Variants in PTPRN2 observed in about 807,000 individuals in gnomAD.
PTPRN2 encodes receptor-type tyrosine-protein phosphatase N2.
In PTPRN2, 74 loss-of-function variants were observed where a neutral mutation model predicts 118.8. The observed-to-expected ratio is 0.62, with a 90% confidence interval of 0.52 to 0.76. The LOEUF (loss-of-function observed/expected upper bound fraction) is 0.76. Among genes scored for constraint, PTPRN2 ranks in the 30% least tolerant of loss-of-function variants. PTPRN2 has a pLI of 0.00. For synonymous variants in PTPRN2, 641 were observed against 608.0 expected (o/e 1.05, Z -0.80); for missense variants, 1,481 against 1,394.4 (o/e 1.06, Z -0.99).
chr7:157,563,653 G>A (rs1799331116), intron 21 of PTPRN2, among the ~76,000 whole-genome samples: 1 of 141,052 alleles, frequency 7.1e-6, no homozygotes, highest in Non-Finnish European at 1.5e-5. Flanking sequence ...CCACAGATCA[G>A]GACCACGTGC....
intron 15 of PTPRN2, among the ~76,000 whole-genome samples, chr7:157,606,583 T>C (rs576298157): frequency 6.6e-6 from 1 of 152,242 alleles, no homozygotes; most frequent in African/African-American, 2.4e-5. Flanking sequence ...GCACCCTCGC[T>C]GGAGCCCTCG....
Position 158,529,620 on chromosome 7 carries a change from A to G in PTPRN2, c.113-39835T>C, listed in dbSNP as rs1437359957. The stretch of plus-strand genomic sequence containing the variant: ...GGCAACTGTGTGAGTCTGGGCTCCA[A>G]TCAGCAGCGAAGATGCAGTGTGGGA... On this transcript the variant is annotated intron_variant, in intron 1 of 22. Transcript: ENST00000389418. This position sits in a 1 kb window ranked among gnomAD's most constrained non-coding sequence, Gnocchi z 4.7. Among the ~76,000 whole-genome samples the G allele has an allele frequency of 6.6e-6, 1 of 152,232 alleles. No homozygotes were observed. Among genetic ancestry groups the G allele is most frequent in the Non-Finnish European group, 1.5e-5 (1 of 68,034 alleles).
intron 12 of PTPRN2, among the ~76,000 whole-genome samples, chr7:157,774,528 C>A (rs545941160): frequency 4.6e-5 from 7 of 152,254 alleles, no homozygotes; most frequent in Non-Finnish European, 1.0e-4. Context: ...GTAAGCCCCC[C>A]ATCTCTGCAC....
rs201798881 is a variant in PTPRN2, at chr7:158,155,553, CCAT to C, written c.910+11375_910+11377del. 1.4e-4 allele frequency among the ~76,000 whole-genome samples: 8 copies of C among 56,474 alleles called. No homozygotes were observed. The East Asian group carries it at 1.6e-3, about 11-fold the overall frequency. 37.0% of individuals were successfully genotyped at this position (56,474 alleles called of 152,430 possible). ...ATCAGCACTATCATCACCATCAACA[CCAT>C]CATCATCATTGCCATCATCACCATC... On this transcript the variant is annotated intron_variant, in intron 6 of 22. Coordinates refer to ENST00000389418, the MANE Select transcript of PTPRN2 (RefSeq NM_002847.5).
chr7:158,235,310 A>T (rs1829460554), intron 3 of PTPRN2, among the ~76,000 whole-genome samples: 1 of 152,238 alleles, frequency 6.6e-6, no homozygotes, highest in Non-Finnish European at 1.5e-5. Flanking sequence ...TTATTGCAGG[A>T]CTAGTCACAA....
At chr7:157,735,889 G>A (rs559862682) in intron 12 of PTPRN2, among the ~76,000 whole-genome samples, 5 of 152,292 alleles carry the variant, frequency 3.3e-5, no homozygotes, top group Non-Finnish European at 2.9e-5. Context: ...GATAGCGATC[G>A]GCACATGCCT....
intron 11 of PTPRN2, among the ~76,000 whole-genome samples, chr7:158,047,733 T>C (rs1454848042): frequency 6.6e-6 from 1 of 152,200 alleles, no homozygotes; most frequent in Non-Finnish European, 1.5e-5. Flanking sequence ...TGGGCACAGC[T>C]GGTGCACTAG....
intron 1 of PTPRN2, among the ~76,000 whole-genome samples, chr7:158,523,493 CGTCTGCCCTGG>C (rs1563392640): frequency 2.6e-4 from 22 of 84,512 alleles, no homozygotes; most frequent in African/African-American, 9.6e-4. Flanking sequence ...GGAGTGGAGT[CGTCTGCCCTGG>C]AGTGGAGTCG....
intron 22 of PTPRN2, among the ~76,000 whole-genome samples, chr7:157,547,814 G>A (rs1164876758): frequency 1.3e-5 from 2 of 152,216 alleles, no homozygotes; most frequent in African/African-American, 2.4e-5. Flanking sequence ...GACAAGAGAC[G>A]TTCCACAAAG....
At chr7:158,398,050 C>G (rs908094712) in intron 2 of PTPRN2, among the ~76,000 whole-genome samples, 1 of 152,154 alleles carries the variant, frequency 6.6e-6, no homozygotes, top group Non-Finnish European at 1.5e-5. Context: ...TTTGCAGACT[C>G]GAAGATTCTG....
Position 157,974,114 on chromosome 7 carries a change from T to C in PTPRN2, c.1724-75377A>G, listed in dbSNP as rs2043494. Reference sequence around the variant, plus strand: ...CTGCCTGACTTGCACTGCTGGACGGTGGGTTGGCGGTGTTGACGCTGCACA... The same window carrying C: ...CTGCCTGACTTGCACTGCTGGACGGCGGGTTGGCGGTGTTGACGCTGCACA... On this transcript the variant is annotated intron_variant, in intron 11 of 22. Transcript: ENST00000389418. The surrounding 1 kb of genome is among the most constrained non-coding windows in gnomAD (Gnocchi z 4.0). Among the ~76,000 whole-genome samples, 104,222 of 152,112 alleles carry C rather than the reference T, an allele frequency of 0.69. 35,764 individuals are homozygous for C. The highest frequency in any genetic ancestry group is 0.74 in the East Asian group (3,845 of 5,170).
intron 3 of PTPRN2, among the ~76,000 whole-genome samples, chr7:158,299,443 G>T (rs1206578841): frequency 2.0e-5 from 3 of 151,998 alleles, no homozygotes; most frequent in African/African-American, 4.8e-5. Context: ...GACTACAGGT[G>T]CATGCCACCA....
In PTPRN2 at chr7:157,746,064, ACTCCCTACACCCCACAGTC is replaced by A. The variant is rs1400886580; in HGVS notation, c.1789-63146_1789-63128del. The stretch of plus-strand genomic sequence containing the variant: ...GGGCCCTGAGTGTGGAGATCACAGG[ACTCCCTACACCCCACAGTC>A]CTCCCTACACCCCACAGTCCTCACA... On this transcript the variant is annotated intron_variant, in intron 12 of 22. Coordinates refer to ENST00000389418, the MANE Select transcript of PTPRN2 (RefSeq NM_002847.5). Among the ~76,000 whole-genome samples the A allele has an allele frequency of 2.2e-4, 32 of 142,972 alleles. No individual in the cohort carries two copies. In the South Asian group the frequency reaches 2.3e-3, roughly 10 times the overall value. 93.8% of individuals were successfully genotyped at this position (142,972 alleles called of 152,430 possible).
intron 9 of PTPRN2, among the ~76,000 whole-genome samples, chr7:158,124,923 G>A (rs531670232): frequency 6.6e-5 from 10 of 152,358 alleles, no homozygotes; most frequent in Non-Finnish European, 1.3e-4. Context: ...AGAAAGAGCC[G>A]TGATGCTGGT....
intron 12 of PTPRN2, among the ~76,000 whole-genome samples, chr7:157,752,010 T>C (rs1279027384): frequency 6.6e-6 from 1 of 152,162 alleles, no homozygotes; most frequent in Non-Finnish European, 1.5e-5. Context: ...TTCCGATTTC[T>C]TGACCCCTGA....
At chr7:158,336,721 A>C (rs1415633375) in intron 2 of PTPRN2, among the ~76,000 whole-genome samples, 57 of 106,250 alleles carry the variant, frequency 5.4e-4, no homozygotes, top group South Asian at 1.7e-3. Context: ...CACTCTCACC[A>C]AAAGAGCTGA....
intron 2 of PTPRN2, among the ~76,000 whole-genome samples, chr7:158,353,515 G>T (rs554602475): frequency 6.6e-6 from 1 of 152,306 alleles, no homozygotes; most frequent in East Asian, 1.9e-4. Flanking sequence ...TTGAAATGGG[G>T]TTTCTGGTTC....
intron 2 of PTPRN2, among the ~76,000 whole-genome samples, chr7:158,362,299 A>C (rs1233447792): frequency 1.3e-5 from 2 of 152,242 alleles, no homozygotes. Flanking sequence ...TGGCAAGAGG[A>C]TGAAGGGACA....
intron 15 of PTPRN2, among the ~76,000 whole-genome samples, chr7:157,608,847 CGGGAACCACAGGGT>C (rs542499562): frequency 1.3e-3 from 200 of 152,250 alleles, no homozygotes; most frequent in African/African-American, 4.7e-3. Context: ...AGAGCAATGG[CGGGAACCACAGGGT>C]GAGAATTCAT....
Sources: gnomAD v4.1 joint callset for allele counts (sites outside exome capture counted in the v4.1 genomes callset) on GRCh38, gnomAD v4.1.1 for gene constraint, Gnocchi (gnomAD v3.1) non-coding constraint, MANE v1.5 for transcripts, NCBI Gene and HGNC (gene_info 2026-07-23, HGNC 2026-07-21) for gene names.